Variants in PLCL1 observed in about 807,000 individuals in gnomAD.
PLCL1 encodes the protein inactive phospholipase C-like protein 1.
A neutral mutation model predicts 84.4 loss-of-function variants in PLCL1; 41 were observed. That is an observed-to-expected ratio of 0.49 (90% CI 0.38 to 0.63). PLCL1 has a LOEUF of 0.63. Among genes scored for constraint, PLCL1 ranks in the 30% least tolerant of loss-of-function variants. The pLI is 0.00. For synonymous variants in PLCL1, 490 were observed against 488.3 expected (o/e 1.00, Z -0.05); for missense variants, 1,206 against 1,367.8 (o/e 0.88, Z 1.87).
Position 197,850,031 on chromosome 2 carries a change from G to GACACACACACACACAC in PLCL1, c.240+44725_240+44740dup, listed in dbSNP as rs5837563. On this transcript the variant is annotated intron_variant, in intron 1 of 5. Transcript: ENST00000428675. ...ACACACAGACACACAGACACACACA[G>GACACACACACACACAC]ACACACACACACACACACACACACA... Among the ~76,000 whole-genome samples, 230 of 134,956 alleles carry GACACACACACACACAC rather than the reference G, an allele frequency of 1.7e-3. 1 individual carries two copies. The highest frequency in any genetic ancestry group is 4.5e-3 in the African/African-American group (168 of 36,946). The allele number at this position is 134,956 out of a possible 152,430, so 88.5% of individuals were successfully genotyped here.
intron 5 of PLCL1, among the ~76,000 whole-genome samples, chr2:198,138,258 G>A (rs1341956947): frequency 6.6e-6 from 1 of 152,122 alleles, no homozygotes; most frequent in African/African-American, 2.4e-5. Flanking sequence ...TACAGTCATG[G>A]CATAAGGCAA....
chr2:198,055,329 C>CTCTCTCTCTCTCTGTG (rs374518934), intron 1 of PLCL1, among the ~76,000 whole-genome samples: 7 of 112,346 alleles, frequency 6.2e-5, no homozygotes, highest in African/African-American at 2.5e-4. Flanking sequence ...CTCTCTCTCT[C>CTCTCTCTCTCTCTGTG]TGTGTGTGTG....
At position 198,079,296 on chromosome 2, in the gene PLCL1, T is replaced by C. The variant is rs546576593; in HGVS notation, c.241-4462T>C. ...TATTTTAATACAATTATTAAAAATATTAAATATTTAGGAAGCTGAAAATAT... is the reference window on the plus strand; with the variant it reads ...TATTTTAATACAATTATTAAAAATACTAAATATTTAGGAAGCTGAAAATAT... On this transcript the variant is annotated intron_variant, in intron 1 of 5. Coordinates refer to ENST00000428675, the MANE Select transcript of PLCL1 (RefSeq NM_006226.4). 2.0e-5 allele frequency among the ~76,000 whole-genome samples: 3 copies of C among 151,680 alleles called. No individual in the cohort carries two copies. In the East Asian group the frequency reaches 5.8e-4, roughly 29 times the overall value.
At chr2:198,101,162 T>C in intron 3 of PLCL1, 123 bp from the exon 4 acceptor site, 3 of 680,728 alleles carry the variant, frequency 4.4e-6, no homozygotes, top group Non-Finnish European at 7.9e-6. Flanking sequence ...CTCCCATCTG[T>C]TGTGGTGAGA....
At chr2:197,977,487 C>T (rs1404397974) in intron 1 of PLCL1, among the ~76,000 whole-genome samples, 1 of 152,210 alleles carries the variant, frequency 6.6e-6, no homozygotes, top group East Asian at 1.9e-4. Flanking sequence ...TTGTGTTTCT[C>T]ACTGGAACTA....
intron 1 of PLCL1, among the ~76,000 whole-genome samples, chr2:197,990,844 G>T: frequency 6.6e-6 from 1 of 152,296 alleles, no homozygotes; most frequent in South Asian, 2.1e-4. Context: ...AAGTGGAAAT[G>T]TAGAGTCTGG....
At chr2:197,843,770 T>C (rs943507779) in intron 1 of PLCL1, among the ~76,000 whole-genome samples, 10 of 152,160 alleles carry the variant, frequency 6.6e-5, no homozygotes, top group Admixed American at 5.2e-4. Context: ...GGAACAATTT[T>C]AGTAGGTCTG....
rs751616679 is a variant in PLCL1 at position 198,146,858 on chromosome 2, T to A, written c.3184T>A (p.Cys1062Ser). 1.5e-5 allele frequency: 24 copies of A among 1,613,518 alleles called. No homozygotes were observed. Among genetic ancestry groups the A allele is most frequent in the Non-Finnish European group, 1.8e-5 (21 of 1,179,746 alleles). The change falls in exon 6 of 6, where the codon TGT becomes AGT. Residue 1062 changes from cysteine (C) to serine (S), a missense_variant. Physicochemically the swap from Cys to Ser is moderately radical, Grantham distance 112. Coordinates refer to ENST00000428675, the MANE Select transcript of PLCL1 (RefSeq NM_006226.4). Reference protein sequence around the residue: ...MKQIQLACLSCGLSKAPSSSA... With the variant: ...MKQIQLACLSSGLSKAPSSSA... ...GCAGATCCAGCTGGCATGCCTGTCCTGTGGACTGAGTAAAGCCCCCAGCAG... is the reference window on the plus strand; with the variant it reads ...GCAGATCCAGCTGGCATGCCTGTCCAGTGGACTGAGTAAAGCCCCCAGCAG...
chr2:197,824,143 T>A (rs1378495285), intron 1 of PLCL1, among the ~76,000 whole-genome samples: 1 of 152,170 alleles, frequency 6.6e-6, no homozygotes, highest in African/African-American at 2.4e-5. Context: ...AATGGTTTTT[T>A]TTCCTTGCTT....
rs530612394 is a variant in PLCL1, at chr2:197,927,239, A to T, written c.240+121900A>T. Among the ~76,000 whole-genome samples the T allele has an allele frequency of 2.0e-5, 3 of 152,332 alleles. No homozygotes were observed. In the South Asian group the frequency reaches 6.2e-4, roughly 32 times the overall value. ...AGGGGTGTTAAAGAATAGCAAACTT[A>T]AATGTTCTTTGTGATGTAATCAGAG... On this transcript the variant is annotated intron_variant, in intron 1 of 5. Transcript: ENST00000428675.
intron 1 of PLCL1, among the ~76,000 whole-genome samples, chr2:197,843,152 G>C (rs1297383625): frequency 6.6e-6 from 1 of 152,202 alleles, no homozygotes; most frequent in Non-Finnish European, 1.5e-5. Context: ...GTGGCAATGA[G>C]TAGGTCTATG....
At position 198,085,420 on chromosome 2, in the gene PLCL1, A is replaced by T. The variant is rs1692847190; in HGVS notation, c.1903A>T (p.Asn635Tyr). Residue 635 changes from asparagine to tyrosine, a missense_variant, in exon 2 of 6, where the codon AAT (asparagine) becomes TAT (tyrosine). By Grantham distance (143) the Asn-to-Tyr change is moderately radical. Transcript: ENST00000428675. The surrounding 1 kb of genome is among the most constrained non-coding windows in gnomAD (Gnocchi z 5.3). ...NEYPEDFVNYNKKFLSRIYPS... is the reference protein window; with the variant it reads ...NEYPEDFVNYYKKFLSRIYPS... ...GTACCCAGAGGATTTTGTTAATTAT[A>T]ATAAGAAGTTCTTATCAAGAATCTA... 6.2e-7 allele frequency: 1 copy of T among 1,612,242 alleles called. No individual in the cohort carries two copies. The highest frequency in any genetic ancestry group is 1.7e-5 in the Admixed American group (1 of 59,956).
At chr2:198,027,239 G>A (rs1219673183) in intron 1 of PLCL1, among the ~76,000 whole-genome samples, 1 of 152,154 alleles carries the variant, frequency 6.6e-6, no homozygotes, top group Non-Finnish European at 1.5e-5. Flanking sequence ...ATTATGCTTA[G>A]TGAGATCAAC....
intron 1 of PLCL1, among the ~76,000 whole-genome samples, chr2:197,953,313 C>G (rs1298741733): frequency 6.6e-6 from 1 of 152,054 alleles, no homozygotes; most frequent in East Asian, 1.9e-4. Context: ...GACTCCTTGC[C>G]TATATGAGTT....
chr2:198,034,181 C>T (rs376680790), intron 1 of PLCL1, among the ~76,000 whole-genome samples: 11 of 150,280 alleles, frequency 7.3e-5, no homozygotes, highest in African/African-American at 2.7e-4. Context: ...TGTGTGATGT[C>T]CCCCTTCCTG....
intron 1 of PLCL1, among the ~76,000 whole-genome samples, chr2:197,981,053 C>G (rs1396159763): frequency 6.6e-6 from 1 of 152,130 alleles, no homozygotes; most frequent in East Asian, 1.9e-4. Context: ...TCTAATAAAA[C>G]CTTCTTCTTT....
At chr2:198,044,637 G>T (rs1691744520) in intron 1 of PLCL1, among the ~76,000 whole-genome samples, 1 of 152,090 alleles carries the variant, frequency 6.6e-6, no homozygotes, top group Non-Finnish European at 1.5e-5. Context: ...AATTTAGTAA[G>T]ACTTTAAACT....
At chr2:197,876,105 T>A (rs1428941568) in intron 1 of PLCL1, among the ~76,000 whole-genome samples, 1 of 152,210 alleles carries the variant, frequency 6.6e-6, no homozygotes, top group Non-Finnish European at 1.5e-5. Context: ...AATTTACATT[T>A]GTATCTAAGA....
chr2:197,805,119 G>T lies in PLCL1; in HGVS notation c.20G>T (p.Gly7Val). The T allele has an allele frequency of 9.1e-6, 12 of 1,324,372 alleles. No homozygotes were observed. The highest frequency in any genetic ancestry group is 1.2e-5 in the Non-Finnish European group (12 of 1,041,958). 82.0% of individuals were successfully genotyped at this position (1,324,372 alleles called of 1,614,324 possible). A position where few individuals can be genotyped will look rare whatever the true frequency, so the allele number is the denominator to read the frequency against. ...CAGGCCATGGCCGAGGGCGCGGCCGGCAGGGAGGATCCGGCGCCGCCCGAC... is the reference window on the plus strand; with the variant it reads ...CAGGCCATGGCCGAGGGCGCGGCCGTCAGGGAGGATCCGGCGCCGCCCGAC... MAEGAAGREDPAPPDAA... is the reference protein window; with the variant it reads MAEGAAVREDPAPPDAA... The change falls in exon 1 of 6, where the codon GGC (glycine) becomes GTC (valine). Residue 7 changes from glycine (G) to valine (V), a missense_variant. Coordinates refer to ENST00000428675, the MANE Select transcript of PLCL1 (RefSeq NM_006226.4). This position sits in a 1 kb window ranked among gnomAD's most constrained non-coding sequence, Gnocchi z 4.0.
Sources: allele counts gnomAD v4.1 joint callset (sites outside exome capture counted in the v4.1 genomes callset), GRCh38; gene constraint gnomAD v4.1.1; non-coding constraint Gnocchi (gnomAD v3.1); transcripts MANE v1.5; gene names NCBI Gene and HGNC (gene_info 2026-07-23, HGNC 2026-07-21).